Variants in TBX18 observed in about 807,000 individuals in gnomAD.
TBX18 encodes the protein T-box transcription factor 18, also known as T-box transcription factor TBX18.
Under a neutral mutation model 55.0 loss-of-function variants are expected in TBX18, and 21 were observed. That is an observed-to-expected ratio of 0.38 (90% CI 0.27 to 0.55). The LOEUF (loss-of-function observed/expected upper bound fraction) is 0.55. Among genes scored for constraint, TBX18 ranks in the 20% least tolerant of loss-of-function variants. TBX18 has a pLI of 0.73. For missense variants in TBX18, 840 were observed against 799.6 expected (o/e 1.05, Z -0.61); for synonymous variants, 342 against 326.1 (o/e 1.05, Z -0.53).
intron 2 of TBX18, among the ~76,000 whole-genome samples, chr6:84,761,076 A>C (rs935439111): frequency 6.6e-6 from 1 of 152,244 alleles, no homozygotes; most frequent in Non-Finnish European, 1.5e-5. Context: ...CCAAAGATGC[A>C]TATCAAAGGA....
intron 4 of TBX18, among the ~76,000 whole-genome samples, chr6:84,754,402 TGTACAA>T (rs909241838): frequency 3.3e-5 from 5 of 152,198 alleles, no homozygotes; most frequent in African/African-American, 7.2e-5. Context: ...GCTTCCAAAT[TGTACAA>T]GTACATCTCT....
chr6:84,762,083 TCTGC>T (rs1767662130), intron 2 of TBX18, among the ~76,000 whole-genome samples: 5 of 151,970 alleles, frequency 3.3e-5, no homozygotes, highest in Admixed American at 2.6e-4. Flanking sequence ...AAAGAACCAA[TCTGC>T]CTGGGAGTTT....
At chr6:84,763,176 C>G (rs999515529) in intron 1 of TBX18, 5 of 357,446 alleles carry the variant, frequency 1.4e-5, no homozygotes, top group Non-Finnish European at 2.7e-5. Context: ...GCAGCAAAAG[C>G]GCCCGGACTC....
In TBX18 at chr6:84,760,305, C is replaced by T; in HGVS notation, c.549G>A (p.Gln183=). The T allele has an allele frequency of 1.9e-6, 3 of 1,607,114 alleles. No individual in the cohort carries two copies. In the South Asian group the frequency reaches 3.3e-5, roughly 18 times the overall value. The change falls in exon 3 of 8, where the codon CAG becomes CAA. Residue 183 remains glutamine, a synonymous_variant. Transcript: ENST00000369663. ...CAATATCCATGGCAATGTAATATTGCTGGTGAGGATCTAATCCAGAGATCT... is the reference window on the plus strand; with the variant it reads ...CAATATCCATGGCAATGTAATATTGTTGGTGAGGATCTAATCCAGAGATCT... ...RVKISGLDPH[Q]QYYIAMDIVP...
chr6:84,749,955 T>C (rs1304807799), intron 4 of TBX18, among the ~76,000 whole-genome samples: 1 of 152,222 alleles, frequency 6.6e-6, no homozygotes, highest in African/African-American at 2.4e-5. Context: ...TTCTTTTGTA[T>C]ATTACCTGAG....
At position 84,764,140 on chromosome 6, in the gene TBX18, G is replaced by T; in HGVS notation, c.42C>A (p.Ser14Arg). The T allele has an allele frequency of 1.3e-6, 2 of 1,561,618 alleles. No individual in the cohort carries two copies. Among genetic ancestry groups the T allele is most frequent in the Non-Finnish European group, 1.7e-6 (2 of 1,163,958 alleles). ...KRRGSPCSML[S>R]LKAHAFSVEA... ...CCACCGAGAAAGCGTGCGCCTTGAGGCTTAGCATGCTGCACGGCGAGCCCC... is the reference window on the plus strand; with the variant it reads ...CCACCGAGAAAGCGTGCGCCTTGAGTCTTAGCATGCTGCACGGCGAGCCCC... Residue 14 changes from serine to arginine, a missense_variant, in exon 1 of 8, where the codon AGC (serine) becomes AGA (arginine). Coordinates refer to ENST00000369663, the MANE Select transcript of TBX18 (RefSeq NM_001080508.3).
chr6:84,762,829 G>A, intron 1 of TBX18, 81 bp from the exon 2 acceptor site: 1 of 1,345,668 alleles, frequency 7.4e-7, no homozygotes. Flanking sequence ...CCACCTGGTG[G>A]CTGAGAAGAG....
intron 1 of TBX18, chr6:84,763,343 A>G (rs2127883035): frequency 2.2e-6 from 1 of 456,644 alleles, no homozygotes; most frequent in South Asian, 1.5e-5. Context: ...CAGCAGAGAA[A>G]AGTGTGAAAA....
chr6:84,763,024 G>T, intron 1 of TBX18: 1 of 550,626 alleles, frequency 1.8e-6, no homozygotes. Context: ...CACCCGCTGG[G>T]CCTCCGCAGG....
chr6:84,753,788 T>C (rs576665708), intron 4 of TBX18, among the ~76,000 whole-genome samples: 1 of 152,312 alleles, frequency 6.6e-6, no homozygotes, highest in East Asian at 1.9e-4. Flanking sequence ...TCATAAAGCC[T>C]TTCCCATCTT....
intron 2 of TBX18, among the ~76,000 whole-genome samples, chr6:84,762,306 G>A (rs1056975888): frequency 1.1e-4 from 16 of 152,352 alleles, no homozygotes; most frequent in Middle Eastern, 6.8e-3. Flanking sequence ...AGCGGCGACA[G>A]TAATTTTCTC....
rs1424773235 is a variant in TBX18, at chr6:84,764,381, G to A, written c.-200C>T. The A allele has an allele frequency of 4.1e-6, 3 of 723,434 alleles. No individual in the cohort carries two copies. The South Asian group carries it at 8.1e-5, about 20-fold the overall frequency. 44.8% of individuals were successfully genotyped at this position (723,434 alleles called of 1,614,324 possible). A position where few individuals can be genotyped will look rare whatever the true frequency, so the allele number is the denominator to read the frequency against. Reference sequence around the variant, plus strand: ...GGGATCCAGGAACCGGCGACGCGCCGGCCAAGTCTCCTTTCCTGGGTCTCT... The same window carrying A: ...GGGATCCAGGAACCGGCGACGCGCCAGCCAAGTCTCCTTTCCTGGGTCTCT... On this transcript the variant is annotated 5_prime_UTR_variant, in exon 1 of 8. Coordinates refer to ENST00000369663, the MANE Select transcript of TBX18 (RefSeq NM_001080508.3).
chr6:84,740,321 A>C (rs775066677), intron 6 of TBX18, among the ~76,000 whole-genome samples: 2 of 152,050 alleles, frequency 1.3e-5, no homozygotes, highest in African/African-American at 2.4e-5. Context: ...CAACTCACTA[A>C]AACTCATTGT....
At chr6:84,752,186 CA>C (rs11357182) in intron 4 of TBX18, among the ~76,000 whole-genome samples, 40,870 of 143,184 alleles carry the variant, frequency 0.29, 6,273 homozygotes, top group African/African-American at 0.43. Context: ...AGATTTGAGT[CA>C]AAAAAAAAAA....
rs752522151 is a variant in TBX18 at position 84,737,075 on chromosome 6, G to T, written c.1434C>A (p.Phe478Leu). 1 of 1,614,220 alleles carries T rather than the reference G, an allele frequency of 6.2e-7. No homozygotes were observed. The highest frequency in any genetic ancestry group is 8.5e-7 in the Non-Finnish European group (1 of 1,180,038). Reference sequence around the variant, plus strand: ...TGGATAAGCTGGTCTGTGGGCAGCTGAAGGTGTCCCCATCAGTGCCACCCA... The same window carrying T: ...TGGATAAGCTGGTCTGTGGGCAGCTTAAGGTGTCCCCATCAGTGCCACCCA... ...MSMGGTDGDT[F>L]SCPQTSLSMQ... The change falls in exon 8 of 8, where the codon TTC becomes TTA. Residue 478 changes from phenylalanine (F) to leucine (L), a missense_variant. By Grantham distance (22) the Phe-to-Leu change is conservative. Transcript: ENST00000369663.
intron 3 of TBX18, among the ~76,000 whole-genome samples, chr6:84,759,747 A>G (rs1016043167): frequency 1.3e-5 from 2 of 152,050 alleles, no homozygotes; most frequent in African/African-American, 4.8e-5. Context: ...CACATAAATT[A>G]GAAGATTTTT....
chr6:84,764,030 T>A lies in TBX18; in HGVS notation c.152A>T (p.Asp51Val). The part of the protein sequence containing the change: ...LGAEEAAGAV[D>V]DGGCSRGGGA... ...GCCGCCGCGGCTGCAGCCTCCGTCGTCCACGGCCCCCGCCGCCTCTTCGGC... is the reference window on the plus strand; with the variant it reads ...GCCGCCGCGGCTGCAGCCTCCGTCGACCACGGCCCCCGCCGCCTCTTCGGC... The change falls in exon 1 of 8, where the codon GAC becomes GTC. Residue 51 changes from aspartate to valine, a missense_variant. Physicochemically the swap from Asp to Val is radical, Grantham distance 152. Coordinates refer to ENST00000369663, the MANE Select transcript of TBX18 (RefSeq NM_001080508.3). 1.3e-6 allele frequency: 2 copies of A among 1,555,740 alleles called. No individual in the cohort carries two copies. Among genetic ancestry groups the A allele is most frequent in the Non-Finnish European group, 8.7e-7 (1 of 1,153,640 alleles).
Position 84,736,687 on chromosome 6 carries a change from A to G in TBX18, c.1822T>C (p.Ter608ArgextTer1). 1 of 1,537,218 alleles carries G rather than the reference A, an allele frequency of 6.5e-7. No individual in the cohort carries two copies. The highest frequency in any genetic ancestry group is 8.7e-7 in the Non-Finnish European group (1 of 1,145,118). ...TGTCATTTAACTTAAAGGCTTCATC[A>G]GACCATATGTGCAGATACTTGAGAT... ...SSSQVSAHMV[*>R] Residue 608 changes from the stop codon to arginine, a stop_lost, in exon 8 of 8, where the codon TGA becomes CGA. Transcript: ENST00000369663.
intron 6 of TBX18, among the ~76,000 whole-genome samples, chr6:84,740,691 A>G (rs1296866721): frequency 3.9e-5 from 6 of 152,232 alleles, no homozygotes; most frequent in Non-Finnish European, 8.8e-5. Flanking sequence ...CTTTCCAGAA[A>G]TACAACGATT....
Sources: gnomAD v4.1 joint callset for allele counts (sites outside exome capture counted in the v4.1 genomes callset) on GRCh38, gnomAD v4.1.1 for gene constraint, MANE v1.5 for transcripts, NCBI Gene and HGNC (gene_info 2026-07-23, HGNC 2026-07-21) for gene names.